The following MGMT variants were observed in gnomAD, a reference collection of about 807,000 sequenced individuals.
The protein encoded by MGMT is methylated-DNA--protein-cysteine methyltransferase.
A neutral mutation model predicts 15.9 loss-of-function variants in MGMT; 14 were observed. The observed-to-expected ratio is 0.88, with a 90% CI of 0.58 to 1.37. The LOEUF (loss-of-function observed/expected upper bound fraction) is 1.37. Ranked by LOEUF, MGMT falls within the 40% of genes most tolerant of loss-of-function variation. The pLI is 0.00. For missense variants in MGMT, 282 were observed against 268.1 expected (o/e 1.05, Z -0.36); for synonymous variants, 130 against 118.2 (o/e 1.10, Z -0.65).
chr10:129,615,383 C>G (rs1847013333), intron 2 of MGMT, among the ~76,000 whole-genome samples: 1 of 152,098 alleles, frequency 6.6e-6, no homozygotes, highest in Admixed American at 6.5e-5. Context: ...CTGTGTTTTC[C>G]TCTTGGGTAG....
At chr10:129,586,451 T>G (rs1171751798) in intron 2 of MGMT, among the ~76,000 whole-genome samples, 1 of 152,246 alleles carries the variant, frequency 6.6e-6, no homozygotes, top group African/African-American at 2.4e-5. Flanking sequence ...ATATATTGTA[T>G]TTTACACAAA....
intron 1 of MGMT, among the ~76,000 whole-genome samples, chr10:129,505,704 A>T (rs1030161707): frequency 6.6e-6 from 1 of 152,236 alleles, no homozygotes; most frequent in Non-Finnish European, 1.5e-5. Context: ...CTAAGATGGT[A>T]GACAGCTTTT....
chr10:129,638,275 A>G (rs1847284309), intron 2 of MGMT, among the ~76,000 whole-genome samples: 1 of 152,010 alleles, frequency 6.6e-6, no homozygotes, highest in Non-Finnish European at 1.5e-5. Context: ...TCCCATGAGA[A>G]CTAAAGAACA....
chr10:129,523,555 C>T (rs1026219605), intron 1 of MGMT, among the ~76,000 whole-genome samples: 2 of 152,248 alleles, frequency 1.3e-5, no homozygotes, highest in East Asian at 3.9e-4. Flanking sequence ...CTGGGAGGGC[C>T]GGGCTGCCGA....
chr10:129,762,594 AC>A (rs1589981569), intron 4 of MGMT, among the ~76,000 whole-genome samples: 1 of 152,062 alleles, frequency 6.6e-6, no homozygotes, highest in East Asian at 1.9e-4. Flanking sequence ...CTCACGACCC[AC>A]CCCCTCCACA....
At chr10:129,584,266 G>T (rs1846592179) in intron 2 of MGMT, among the ~76,000 whole-genome samples, 1 of 152,180 alleles carries the variant, frequency 6.6e-6, no homozygotes, top group Admixed American at 6.5e-5. Context: ...CCTGAAGTTG[G>T]CAAGCTCTTG....
chr10:129,742,017 C>G (rs1367905369), intron 3 of MGMT, among the ~76,000 whole-genome samples: 1 of 152,126 alleles, frequency 6.6e-6, no homozygotes, highest in Non-Finnish European at 1.5e-5. Context: ...TCTGGGGAGA[C>G]TTTGGGGGAA....
At chr10:129,653,843 G>A (rs1434635334) in intron 2 of MGMT, among the ~76,000 whole-genome samples, 1 of 152,218 alleles carries the variant, frequency 6.6e-6, no homozygotes, top group Non-Finnish European at 1.5e-5. Context: ...CAGATGTGAA[G>A]AGTGTCAGGT....
At chr10:129,564,480 C>T (rs370250457) in intron 2 of MGMT, among the ~76,000 whole-genome samples, 1 of 95,874 alleles carries the variant, frequency 1.0e-5, no homozygotes, top group East Asian at 2.9e-4. Context: ...TCCCCTTCCT[C>T]CTCCCTTCCT....
At chr10:129,593,804 G>A (rs1846718408) in intron 2 of MGMT, among the ~76,000 whole-genome samples, 1 of 152,232 alleles carries the variant, frequency 6.6e-6, no homozygotes, top group African/African-American at 2.4e-5. Flanking sequence ...AGGTAGTGGG[G>A]AGGCCTGGAG....
chr10:129,589,571 G>A (rs1490171617), intron 2 of MGMT, among the ~76,000 whole-genome samples: 5 of 152,216 alleles, frequency 3.3e-5, no homozygotes, highest in African/African-American at 1.2e-4. Flanking sequence ...ATTCTCAGCA[G>A]GAGTGAAACA....
At chr10:129,484,962 G>T (rs1300148739) in intron 1 of MGMT, among the ~76,000 whole-genome samples, 1 of 150,218 alleles carries the variant, frequency 6.7e-6, no homozygotes, top group Non-Finnish European at 1.5e-5. Flanking sequence ...TTATATATGT[G>T]TGTATTAAAT....
At chr10:129,651,110 C>T (rs1847452534) in intron 2 of MGMT, among the ~76,000 whole-genome samples, 1 of 152,174 alleles carries the variant, frequency 6.6e-6, no homozygotes, top group South Asian at 2.1e-4. Flanking sequence ...TCTGATTTCT[C>T]TGGATGGCCT....
chr10:129,674,065 T>A (rs1847757032), intron 2 of MGMT, among the ~76,000 whole-genome samples: 1 of 152,220 alleles, frequency 6.6e-6, no homozygotes, highest in African/African-American at 2.4e-5. Flanking sequence ...GATTTAGCTC[T>A]CTTTGATTCT....
intron 2 of MGMT, among the ~76,000 whole-genome samples, chr10:129,582,446 T>C (rs555583313): frequency 6.6e-6 from 1 of 152,382 alleles, no homozygotes; most frequent in Admixed American, 6.5e-5. Flanking sequence ...TCCTTACTGC[T>C]AACACTGACT....
At chr10:129,515,007 T>C (rs61862578) in intron 1 of MGMT, among the ~76,000 whole-genome samples, 23,786 of 152,152 alleles carry the variant, frequency 0.16, 2,621 homozygotes, top group East Asian at 0.3. Context: ...TGGGGGTCAT[T>C]GGACTCTAAC....
At chr10:129,512,113 G>C (rs1284648390) in intron 1 of MGMT, among the ~76,000 whole-genome samples, 1 of 152,222 alleles carries the variant, frequency 6.6e-6, no homozygotes, top group Non-Finnish European at 1.5e-5. Context: ...GGCGCAGAAA[G>C]AAACAGGCCC....
At chr10:129,731,780 T>G (rs1440106482) in intron 3 of MGMT, among the ~76,000 whole-genome samples, 1 of 152,164 alleles carries the variant, frequency 6.6e-6, no homozygotes, top group East Asian at 1.9e-4. Context: ...CTTCTGGAAA[T>G]GAGTTTTCCA....
chr10:129,617,766 T>A (rs1415263672), intron 2 of MGMT, among the ~76,000 whole-genome samples: 1 of 152,242 alleles, frequency 6.6e-6, no homozygotes, highest in Non-Finnish European at 1.5e-5. Flanking sequence ...TTGCCCACTT[T>A]TTTTTTACAG....
Sources: gnomAD v4.1 joint callset for allele counts (sites outside exome capture counted in the v4.1 genomes callset) on GRCh38, gnomAD v4.1.1 for gene constraint, MANE v1.5 for transcripts, NCBI Gene and HGNC (gene_info 2026-07-23, HGNC 2026-07-21) for gene names.